TRDN: variants seen among roughly 807,000 people sequenced by gnomAD.
TRDN encodes triadin, also known as triadin in skeletal muscle.
A neutral mutation model predicts 149.7 loss-of-function variants in TRDN; 161 were observed. That is an observed-to-expected ratio of 1.08 (90% CI 0.95 to 1.23). The LOEUF is 1.23. Among genes scored for constraint, TRDN ranks in the 50% most tolerant of loss-of-function variants. The pLI, the probability that TRDN is intolerant of heterozygous loss-of-function variation, is 0.00. For missense variants in TRDN, 896 were observed against 823.5 expected (o/e 1.09, Z -1.08); for synonymous variants, 294 against 250.5 (o/e 1.17, Z -1.64).
At chr6:123,320,997 C>T (rs1441953474) in intron 23 of TRDN, among the ~76,000 whole-genome samples, 1 of 151,918 alleles carries the variant, frequency 6.6e-6, no homozygotes, top group South Asian at 2.1e-4. Flanking sequence ...TATTTAAAAG[C>T]GGGTCACAAA....
intron 21 of TRDN, among the ~76,000 whole-genome samples, chr6:123,342,909 C>A (rs369673783): frequency 6.6e-6 from 1 of 152,008 alleles, no homozygotes; most frequent in Non-Finnish European, 1.5e-5. Context: ...AACACATACT[C>A]GAAATTCCAC....
chr6:123,267,506 A>T (rs1777054631), intron 32 of TRDN, among the ~76,000 whole-genome samples: 1 of 152,140 alleles, frequency 6.6e-6, no homozygotes, highest in Admixed American at 6.6e-5. Flanking sequence ...TTGCTCTATC[A>T]TAATTGCATG....
intron 24 of TRDN, among the ~76,000 whole-genome samples, chr6:123,299,684 A>G (rs1307283311): frequency 6.6e-6 from 1 of 152,058 alleles, no homozygotes; most frequent in Admixed American, 6.6e-5. Flanking sequence ...TAGACTTGAG[A>G]AAATTATTCA....
intron 1 of TRDN, among the ~76,000 whole-genome samples, chr6:123,582,410 C>T (rs2114583043): frequency 6.6e-6 from 1 of 151,638 alleles, no homozygotes; most frequent in East Asian, 2.0e-4. Flanking sequence ...CACCTGGGTG[C>T]AGGTGGGCTG....
chr6:123,549,326 C>T (rs1157129236), intron 2 of TRDN, among the ~76,000 whole-genome samples: 2 of 151,942 alleles, frequency 1.3e-5, no homozygotes, highest in Non-Finnish European at 2.9e-5. Flanking sequence ...TTAGGGATTT[C>T]CAAAATTTTA....
intron 1 of TRDN, among the ~76,000 whole-genome samples, chr6:123,596,377 G>T (rs1784038349): frequency 6.6e-6 from 1 of 152,098 alleles, no homozygotes; most frequent in Non-Finnish European, 1.5e-5. Flanking sequence ...AGATAGAAGT[G>T]CAAGGTGAAG....
intron 5 of TRDN, among the ~76,000 whole-genome samples, chr6:123,520,434 C>T (rs188853162): frequency 5.3e-5 from 8 of 152,242 alleles, no homozygotes; most frequent in South Asian, 2.1e-4. Flanking sequence ...TTCAAAACTA[C>T]GCAGCCATGT....
chr6:123,371,447 T>C (rs1781324816), intron 19 of TRDN, among the ~76,000 whole-genome samples: 1 of 152,178 alleles, frequency 6.6e-6, no homozygotes, highest in Admixed American at 6.6e-5. Flanking sequence ...CCCTTTATAA[T>C]ACAATATCTG....
chr6:123,247,567 G>C (rs553996293), intron 38 of TRDN, among the ~76,000 whole-genome samples: 1 of 152,208 alleles, frequency 6.6e-6, no homozygotes, highest in East Asian at 1.9e-4. Flanking sequence ...TCTTCAAGGA[G>C]AACTACAAAC....
At chr6:123,399,856 T>C (rs941994958) in intron 12 of TRDN, among the ~76,000 whole-genome samples, 21 of 152,228 alleles carry the variant, frequency 1.4e-4, no homozygotes, top group African/African-American at 4.8e-4. Flanking sequence ...TCCTTTTGCA[T>C]TGATAATATT....
chr6:123,297,020 G>A (rs1009488580), intron 24 of TRDN, among the ~76,000 whole-genome samples: 6 of 152,050 alleles, frequency 3.9e-5, no homozygotes, highest in Non-Finnish European at 7.4e-5. Flanking sequence ...CAGCAATAAT[G>A]GGCAAGATAA....
chr6:123,390,640 GTC>G (rs1241675144), intron 13 of TRDN, among the ~76,000 whole-genome samples: 1 of 152,066 alleles, frequency 6.6e-6, no homozygotes. Context: ...CAAAGCCAGG[GTC>G]TCGGGATTCA....
chr6:123,521,782 C>A (rs1389323198), intron 5 of TRDN, among the ~76,000 whole-genome samples: 1 of 152,082 alleles, frequency 6.6e-6, no homozygotes, highest in Non-Finnish European at 1.5e-5. Flanking sequence ...CTCTGAGGTC[C>A]TTCCAGAAAA....
chr6:123,481,507 G>A (rs1777748663), intron 9 of TRDN, among the ~76,000 whole-genome samples: 1 of 151,056 alleles, frequency 6.6e-6, no homozygotes, highest in Non-Finnish European at 1.5e-5. Flanking sequence ...AAAATATATA[G>A]CCATTTGAAA....
At chr6:123,497,624 C>T (rs2185160) in intron 8 of TRDN, among the ~76,000 whole-genome samples, 126,331 of 152,100 alleles carry the variant, frequency 0.83, 52,660 homozygotes, top group East Asian at 0.88. Flanking sequence ...ACAGAAGTTT[C>T]ACAAGAGGAA....
chr6:123,418,425 A>C (rs1193091888), intron 12 of TRDN: 2 of 152,146 alleles, frequency 1.3e-5, no homozygotes, highest in Admixed American at 6.5e-5. Context: ...AGAAATAAAA[A>C]TTCAGGACCA....
intron 33 of TRDN, among the ~76,000 whole-genome samples, chr6:123,264,303 T>C (rs899558746): frequency 4.7e-4 from 72 of 152,158 alleles, no homozygotes; most frequent in African/African-American, 1.7e-3. Context: ...TTGAAAGAAA[T>C]TGATTTTGAC....
chr6:123,252,564 T>C, intron 37 of TRDN, 129 bp from the exon 38 acceptor site: 1 of 496,518 alleles, frequency 2.0e-6, no homozygotes, highest in Non-Finnish European at 3.6e-6. Context: ...AATGAAGAAA[T>C]ACAGTCATCT....
chr6:123,286,222 A>G (rs574035562), intron 24 of TRDN, among the ~76,000 whole-genome samples: 9 of 152,242 alleles, frequency 5.9e-5, no homozygotes, highest in African/African-American at 2.2e-4. Context: ...ATACTTGCAC[A>G]GACATGGTTA....
Sources: allele counts gnomAD v4.1 joint callset (sites outside exome capture counted in the v4.1 genomes callset), GRCh38; gene constraint gnomAD v4.1.1; transcripts MANE v1.5; gene names NCBI Gene and HGNC (gene_info 2026-07-23, HGNC 2026-07-21).